Variants in PLXNA4 observed in about 807,000 individuals in gnomAD.
The protein encoded by PLXNA4 is plexin A4.
A neutral mutation model predicts 191.8 loss-of-function variants in PLXNA4; 44 were observed. That is an observed-to-expected ratio of 0.23 (90% CI 0.18 to 0.29). The LOEUF is 0.29. PLXNA4 is among the 10% of genes least tolerant of loss of function. PLXNA4 has a pLI of 1.00. For synonymous variants in PLXNA4, 1,082 were observed against 1,009.5 expected, an observed-to-expected ratio of 1.07 and a Z score of -1.36; for missense variants, 1,800 against 2,488.8, an observed-to-expected ratio of 0.72 and a Z score of 5.89.
intron 3 of PLXNA4, among the ~76,000 whole-genome samples, chr7:132,311,885 G>T (rs548107270): frequency 6.6e-6 from 1 of 152,254 alleles, no homozygotes; most frequent in East Asian, 1.9e-4. Flanking sequence ...GAGCTGAGAA[G>T]GGCATCCCTG....
At chr7:132,201,213 A>G (rs944749123) in intron 12 of PLXNA4, among the ~76,000 whole-genome samples, 2 of 152,286 alleles carry the variant, frequency 1.3e-5, no homozygotes, top group Middle Eastern at 3.4e-3. Context: ...CACAGCCCTC[A>G]GGAGGAACCG....
At chr7:132,496,277 A>G (rs541936172) in intron 2 of PLXNA4, among the ~76,000 whole-genome samples, 21 of 152,330 alleles carry the variant, frequency 1.4e-4, no homozygotes, top group Non-Finnish European at 2.2e-4. Flanking sequence ...GCCCCATTTT[A>G]CAGAAGGGGC....
intron 3 of PLXNA4, among the ~76,000 whole-genome samples, chr7:132,448,051 C>T (rs1795978947): frequency 6.6e-6 from 1 of 152,056 alleles, no homozygotes; most frequent in African/African-American, 2.4e-5. Flanking sequence ...ACAAAAAAAA[C>T]GTATAGCATC....
chr7:132,298,646 T>A (rs543269842), intron 3 of PLXNA4, among the ~76,000 whole-genome samples: 1 of 152,366 alleles, frequency 6.6e-6, no homozygotes, highest in South Asian at 2.1e-4. Context: ...CATGTCAGTG[T>A]AAGGATGGGA....
rs777059738 is a variant in PLXNA4 at position 132,508,172 on chromosome 7, G to A, written c.522C>T (p.Val174=). ...NESGSVFGVI[V]SYSNLDDKLF... Reference sequence around the variant, plus strand: ...GCTTGTCATCCAGGTTGCTGTAGGAGACGATCACTCCAAAGACTGAGCCGC... The same window carrying A: ...GCTTGTCATCCAGGTTGCTGTAGGAAACGATCACTCCAAAGACTGAGCCGC... Residue 174 remains valine (V), a synonymous_variant, in exon 2 of 32, where the codon GTC becomes GTT. Coordinates refer to ENST00000321063, the MANE Select transcript of PLXNA4 (RefSeq NM_020911.2). This position sits in a 1 kb window ranked among gnomAD's most constrained non-coding sequence, Gnocchi z 4.4. The A allele has an allele frequency of 1.2e-5, 20 of 1,614,030 alleles. No homozygotes were observed. The highest frequency in any genetic ancestry group is 1.6e-5 in the Non-Finnish European group (19 of 1,180,030).
At chr7:132,384,859 A>AAGAGATAACTATATTCCGATGGG in intron 3 of PLXNA4, 1 of 1,175,530 alleles carries the variant, frequency 8.5e-7, no homozygotes, top group East Asian at 6.3e-5. Context: ...TATCAGGCCC[A>AAGAGATAACTATATTCCGATGGG]AGAGATAACT....
chr7:132,562,051 CT>C (rs2116654207), intron 1 of PLXNA4, among the ~76,000 whole-genome samples: 1 of 111,908 alleles, frequency 8.9e-6, no homozygotes. Context: ...TCCTCCTCCT[CT>C]CCCTCCTCCT....
At chr7:132,611,886 A>C (rs374761116) in intron 2 of PLXNA4, among the ~76,000 whole-genome samples, 115 of 152,292 alleles carry the variant, frequency 7.6e-4, no homozygotes, top group African/African-American at 2.6e-3. Flanking sequence ...CCCCTAAAAA[A>C]GGCTGGAAGG....
chr7:132,577,989 T>A (rs1010150027), upstream of PLXNA4, among the ~76,000 whole-genome samples: 2 of 152,176 alleles, frequency 1.3e-5, no homozygotes, highest in African/African-American at 4.8e-5. Flanking sequence ...ATGTTTATAC[T>A]GAGCGGCTCT....
chr7:132,152,198 C>A (rs1223007095), intron 25 of PLXNA4, among the ~76,000 whole-genome samples: 3 of 152,198 alleles, frequency 2.0e-5, no homozygotes, highest in Admixed American at 1.3e-4. Flanking sequence ...AGGTCAAAGA[C>A]CATCGCAGGT....
Position 132,130,148 on chromosome 7 carries a change from A to G in PLXNA4, c.*331T>C, listed in dbSNP as rs143664941. ...CCCTGGCTCCTCATTCGTTATTTGCACCCTGCTGCTGACATGCACAGGGTC... is the reference window on the plus strand; with the variant it reads ...CCCTGGCTCCTCATTCGTTATTTGCGCCCTGCTGCTGACATGCACAGGGTC... On this transcript the variant is annotated 3_prime_UTR_variant, in exon 32 of 32. Coordinates refer to ENST00000321063, the MANE Select transcript of PLXNA4 (RefSeq NM_020911.2). 3.0e-4 allele frequency: 85 copies of G among 279,044 alleles called. No homozygotes were observed. Among genetic ancestry groups the G allele is most frequent in the Admixed American group, 2.6e-4 (6 of 23,426 alleles). The allele number at this position is 279,044 out of a possible 1,614,324, so 17.3% of individuals were successfully genotyped here.
chr7:132,226,093 G>C (rs1017409945), intron 8 of PLXNA4, 68 bp downstream of exon 8: 4 of 1,424,916 alleles, frequency 2.8e-6, no homozygotes, highest in Non-Finnish European at 3.9e-6. Flanking sequence ...AATAGTGATG[G>C]GGTTTTCTGA....
chr7:132,197,619 C>T (rs1174124915), intron 13 of PLXNA4, among the ~76,000 whole-genome samples: 1 of 152,104 alleles, frequency 6.6e-6, no homozygotes, highest in Non-Finnish European at 1.5e-5. Flanking sequence ...TGAGTCCTAC[C>T]AAGACTGGAT....
chr7:132,434,063 G>T (rs1055122638), intron 3 of PLXNA4, among the ~76,000 whole-genome samples: 5 of 152,206 alleles, frequency 3.3e-5, no homozygotes, highest in Admixed American at 6.5e-5. Flanking sequence ...AAACCAGGCT[G>T]GTCTGCCCAC....
chr7:132,414,526 G>GA (rs1794585934), intron 3 of PLXNA4, among the ~76,000 whole-genome samples: 1 of 151,974 alleles, frequency 6.6e-6, no homozygotes, highest in Non-Finnish European at 1.5e-5. Context: ...AGGGAGGGGA[G>GA]AAAAAAATAT....
intron 25 of PLXNA4, among the ~76,000 whole-genome samples, chr7:132,151,320 G>C (rs1319156654): frequency 1.2e-5 from 1 of 82,610 alleles, no homozygotes; most frequent in Non-Finnish European, 3.2e-5. Context: ...GAAGGAGGAG[G>C]AGGAGGAAGA....
intron 21 of PLXNA4, among the ~76,000 whole-genome samples, chr7:132,172,015 A>C (rs1269126819): frequency 6.6e-6 from 1 of 152,068 alleles, no homozygotes; most frequent in Non-Finnish European, 1.5e-5. Flanking sequence ...CTAGTGCATC[A>C]GGGTGGTGTT....
intron 1 of PLXNA4, among the ~76,000 whole-genome samples, chr7:132,563,042 C>A (rs1291617054): frequency 2.7e-5 from 3 of 110,190 alleles, no homozygotes; most frequent in Non-Finnish European, 5.7e-5. Flanking sequence ...TCCTCCTTCT[C>A]TTCTTTCTCT....
intron 1 of PLXNA4, among the ~76,000 whole-genome samples, chr7:132,537,234 G>A (rs573288461): frequency 6.6e-6 from 1 of 152,318 alleles, no homozygotes; most frequent in East Asian, 1.9e-4. Flanking sequence ...GACATATCCA[G>A]GCAGCAGCCA....
Sources: allele counts gnomAD v4.1 joint callset (sites outside exome capture counted in the v4.1 genomes callset), GRCh38; gene constraint gnomAD v4.1.1; non-coding constraint Gnocchi (gnomAD v3.1); transcripts MANE v1.5; gene names NCBI Gene and HGNC (gene_info 2026-07-23, HGNC 2026-07-21).